The following KLHL8 variants were observed in gnomAD, a reference collection of about 807,000 sequenced individuals.
KLHL8 encodes kelch like family member 8, also known as kelch-like protein 8.
KLHL8 carries 38 observed loss-of-function variants against 63.5 expected under a neutral mutation model. That is an observed-to-expected ratio of 0.60 (90% CI 0.46 to 0.78). The LOEUF (loss-of-function observed/expected upper bound fraction) is 0.78. Ranked by LOEUF, KLHL8 falls within the 30% of genes least tolerant of loss-of-function variation. KLHL8 has a pLI of 0.00. For missense variants in KLHL8, 566 were observed against 752.4 expected (o/e 0.75, Z 2.90); for synonymous variants, 224 against 254.3 (o/e 0.88, Z 1.13).
At chr4:87,238,285 A>T (rs749947907) in intron 1 of KLHL8, among the ~76,000 whole-genome samples, 6 of 152,228 alleles carry the variant, frequency 3.9e-5, no homozygotes, top group Non-Finnish European at 8.8e-5. Context: ...CTCACCAAGC[A>T]TATTTGTAGA....
At chr4:87,164,562 CCAT>C (rs1242754551) in intron 8 of KLHL8, among the ~76,000 whole-genome samples, 1 of 152,156 alleles carries the variant, frequency 6.6e-6, no homozygotes, top group African/African-American at 2.4e-5. Flanking sequence ...ACTATAATCG[CCAT>C]CATAATTACA....
chr4:87,205,652 TG>T (rs1732095742), intron 1 of KLHL8, among the ~76,000 whole-genome samples: 1 of 152,064 alleles, frequency 6.6e-6, no homozygotes, highest in South Asian at 2.1e-4. Flanking sequence ...TTTGTAGAGA[TG>T]GGGTTTTGCC....
chr4:87,229,718 C>T (rs1420596439), intron 1 of KLHL8, among the ~76,000 whole-genome samples: 1 of 151,578 alleles, frequency 6.6e-6, no homozygotes, highest in Non-Finnish European at 1.5e-5. Context: ...AAGCGTGAGC[C>T]ACTGCACCTG....
At chr4:87,168,724 ATATATATGTGTGTATATATACGTG>A (rs1477644145) in intron 8 of KLHL8, among the ~76,000 whole-genome samples, 7 of 146,812 alleles carry the variant, frequency 4.8e-5, no homozygotes, top group Admixed American at 1.4e-4. Context: ...ATATATACGT[ATATATATGTGTGTATATATACGTG>A]TATATATGTG....
intron 1 of KLHL8, among the ~76,000 whole-genome samples, chr4:87,196,823 G>A (rs1731716111): frequency 6.6e-6 from 1 of 152,022 alleles, no homozygotes; most frequent in Non-Finnish European, 1.5e-5. Context: ...TAAAACTGAG[G>A]CTTTACTAAT....
chr4:87,178,979 T>C (rs1159793230), intron 4 of KLHL8, among the ~76,000 whole-genome samples: 1 of 152,206 alleles, frequency 6.6e-6, no homozygotes, highest in Non-Finnish European at 1.5e-5. Context: ...AACATCTTAC[T>C]TCCTTGATTT....
intron 4 of KLHL8, among the ~76,000 whole-genome samples, chr4:87,181,737 T>C (rs1427960828): frequency 6.6e-6 from 1 of 152,192 alleles, no homozygotes; most frequent in African/African-American, 2.4e-5. Flanking sequence ...TATTTCAAAA[T>C]GAGGATCAAA....
intron 1 of KLHL8, among the ~76,000 whole-genome samples, chr4:87,204,571 T>A (rs1356027572): frequency 6.6e-6 from 1 of 152,170 alleles, no homozygotes; most frequent in African/African-American, 2.4e-5. Flanking sequence ...CAAATAACCT[T>A]CAACAAGTCA....
chr4:87,220,206 G>C (rs1464034158), intron 1 of KLHL8: 1 of 152,590 alleles, frequency 6.6e-6, no homozygotes, highest in Non-Finnish European at 1.5e-5. Flanking sequence ...TGGATCTCCT[G>C]CTGTCCGGGC....
rs1330959459 is a variant in KLHL8 at position 87,166,595 on chromosome 4, G to A, written c.1538-2516C>T. 2.0e-5 allele frequency among the ~76,000 whole-genome samples: 3 copies of A among 152,170 alleles called. No individual in the cohort carries two copies. In the East Asian group the frequency reaches 5.8e-4, roughly 29 times the overall value. On this transcript the variant is annotated intron_variant, in intron 8 of 9. Transcript: ENST00000273963. Reference sequence around the variant, plus strand: ...CATAATCATTTAAAGCCTTGCTACTGGAAGTGTGTTGTGTGAACCTGAAAC... The same window carrying A: ...CATAATCATTTAAAGCCTTGCTACTAGAAGTGTGTTGTGTGAACCTGAAAC...
intron 1 of KLHL8, among the ~76,000 whole-genome samples, chr4:87,212,399 G>C (rs1377272732): frequency 6.6e-6 from 1 of 152,072 alleles, no homozygotes; most frequent in African/African-American, 2.4e-5. Context: ...GAGCAACATA[G>C]TGAGAGCCAG....
At chr4:87,184,164 A>G (rs941541942) in intron 3 of KLHL8, among the ~76,000 whole-genome samples, 1 of 152,210 alleles carries the variant, frequency 6.6e-6, no homozygotes, top group Non-Finnish European at 1.5e-5. Context: ...AGAAAAACAC[A>G]TATACACAAA....
intron 8 of KLHL8, chr4:87,167,430 C>T: frequency 2.1e-6 from 1 of 481,310 alleles, no homozygotes; most frequent in Non-Finnish European, 4.1e-6. Context: ...TGTTCTCCTA[C>T]TCCAGGCTGT....
At position 87,231,908 on chromosome 4, in the gene KLHL8, T is replaced by C. The variant is rs112177081; in HGVS notation, n.57+8350A>G. 1.6e-3 allele frequency among the ~76,000 whole-genome samples: 238 copies of C among 152,332 alleles called. 1 individual carries two copies. The highest frequency in any genetic ancestry group is 5.1e-3 in the African/African-American group (213 of 41,586). The stretch of plus-strand genomic sequence containing the variant: ...CCACCATGCCCGGTTGATTGTCCAC[T>C]TTTATTGTTCACACTATCTCACAGA... On this transcript the variant is annotated intron_variant and non_coding_transcript_variant, in intron 1 of 1. Transcript: ENST00000506274.
chr4:87,184,980 T>G (rs1214484021), intron 3 of KLHL8, among the ~76,000 whole-genome samples: 1 of 152,216 alleles, frequency 6.6e-6, no homozygotes, highest in Non-Finnish European at 1.5e-5. Flanking sequence ...AATAAAATAT[T>G]CATCATTAGT....
chr4:87,199,606 T>C (rs577172617), intron 1 of KLHL8, among the ~76,000 whole-genome samples: 15 of 149,942 alleles, frequency 1.0e-4, no homozygotes, highest in African/African-American at 3.4e-4. Context: ...AATATATACC[T>C]GAAAAGGGGT....
chr4:87,218,246 T>G (rs1191753755), intron 1 of KLHL8, among the ~76,000 whole-genome samples: 1 of 151,902 alleles, frequency 6.6e-6, no homozygotes, highest in Non-Finnish European at 1.5e-5. Flanking sequence ...ACCCAACTTT[T>G]TTTTTTTTTT....
chr4:87,208,778 T>C (rs1190573473), intron 1 of KLHL8, among the ~76,000 whole-genome samples: 5 of 152,356 alleles, frequency 3.3e-5, no homozygotes, highest in Admixed American at 6.5e-5. Flanking sequence ...TTTTCCCCCT[T>C]ACATCAAACT....
chr4:87,216,249 T>G (rs186655678), intron 1 of KLHL8, among the ~76,000 whole-genome samples: 9 of 152,314 alleles, frequency 5.9e-5, no homozygotes, highest in Middle Eastern at 3.4e-3. Context: ...ATTATTCATA[T>G]GAAGGTAGTG....
Sources: gnomAD v4.1 joint callset for allele counts (sites outside exome capture counted in the v4.1 genomes callset) on GRCh38, gnomAD v4.1.1 for gene constraint, MANE v1.5 for transcripts, NCBI Gene and HGNC (gene_info 2026-07-23, HGNC 2026-07-21) for gene names.